MYLK3: variants seen among roughly 807,000 people sequenced by gnomAD.
The protein encoded by MYLK3 is myosin light chain kinase 3.
In MYLK3, 55 loss-of-function variants were observed where a neutral mutation model predicts 76.3. The observed-to-expected ratio is 0.72, with a 90% CI of 0.58 to 0.90. MYLK3 has a LOEUF of 0.90. MYLK3 is among the 40% of genes least tolerant of loss of function. The pLI is 0.00. For missense variants in MYLK3, 973 were observed against 1,053.6 expected (o/e 0.92, Z 1.06); for synonymous variants, 416 against 425.4 (o/e 0.98, Z 0.27).
rs1302096570 is a variant in MYLK3 at position 46,702,765 on chromosome 16, CA to C, written c.*4938del. 6.6e-6 allele frequency among the ~76,000 whole-genome samples: 1 copy of C among 151,888 alleles called. No homozygotes were observed. The highest frequency in any genetic ancestry group is 1.5e-5 in the Non-Finnish European group (1 of 67,972). ...TGAAAGCCCATCTCTACTAAAAACACAAAAATTAGCTGGGCGTGGTGGCGCA... is the reference window on the plus strand; with the variant it reads ...TGAAAGCCCATCTCTACTAAAAACACAAAATTAGCTGGGCGTGGTGGCGCA... On this transcript the variant is annotated 3_prime_UTR_variant, in exon 13 of 13. Transcript: ENST00000394809.
In MYLK3 at chr16:46,710,731, C is replaced by A; in HGVS notation, c.2173G>T (p.Val725Leu). 6.2e-7 allele frequency: 1 copy of A among 1,614,134 alleles called. No homozygotes were observed. The highest frequency in any genetic ancestry group is 8.5e-7 in the Non-Finnish European group (1 of 1,180,014). Residue 725 changes from valine (V) to leucine (L), a missense_variant, in exon 11 of 13, where the codon GTA (valine) becomes TTA (leucine). By Grantham distance (32) the Val-to-Leu change is conservative. Around this residue, in one of 2 missense-constraint regions of MYLK3, gnomAD observed 332 missense variants for 416.6 expected, o/e 0.80. Coordinates refer to ENST00000394809, the MANE Select transcript of MYLK3 (RefSeq NM_182493.3). Reference protein sequence around the residue: ...ETDAETMNFIVNCSWDFDADT... With the variant: ...ETDAETMNFILNCSWDFDADT... The stretch of plus-strand genomic sequence containing the variant: ...GCATCAAAATCCCAGCTACAGTTTA[C>A]AATGAAATTCATGGTCTCTGCATCT...
rs562196403 is a variant in MYLK3, at chr16:46,706,050, T to G, written c.*1654A>C. 1.3e-5 allele frequency: 2 copies of G among 152,152 alleles called. No individual in the cohort carries two copies. Among genetic ancestry groups the G allele is most frequent in the African/African-American group, 4.8e-5 (2 of 41,500 alleles). The allele number at this position is 152,152 out of a possible 1,614,324, so 9.4% of individuals were successfully genotyped here. A position where few individuals can be genotyped will look rare whatever the true frequency, so the allele number is the denominator to read the frequency against. ...TGAAGGGATGACAGGGCTACTCTAA[T>G]GCATATAGAAAAGTGTTTAAATGTA... On this transcript the variant is annotated 3_prime_UTR_variant, in exon 13 of 13. Transcript: ENST00000394809.
intron 1 of MYLK3, among the ~76,000 whole-genome samples, chr16:46,742,633 G>A (rs976965824): frequency 2.6e-5 from 4 of 152,134 alleles, no homozygotes; most frequent in African/African-American, 9.7e-5. Context: ...TCTACATCAT[G>A]CCCCTCCTCT....
intron 11 of MYLK3, 67 bp downstream of exon 11, chr16:46,710,570 C>T: frequency 6.3e-7 from 1 of 1,579,340 alleles, no homozygotes; most frequent in South Asian, 1.1e-5. Context: ...GGTCAGCAGT[C>T]CTGCCCAGCT....
intron 8 of MYLK3, among the ~76,000 whole-genome samples, chr16:46,724,886 TG>T (rs1448424534): frequency 6.6e-6 from 1 of 152,206 alleles, no homozygotes; most frequent in African/African-American, 2.4e-5. Context: ...GGGGGAGTAT[TG>T]TCACCTTAAC....
chr16:46,750,246 C>T (rs1596776264), upstream of MYLK3, among the ~76,000 whole-genome samples: 3 of 152,302 alleles, frequency 2.0e-5, no homozygotes, highest in African/African-American at 7.2e-5. Flanking sequence ...ACACCCAGCC[C>T]CTGTGCCTCT....
intron 1 of MYLK3, among the ~76,000 whole-genome samples, chr16:46,753,870 G>A (rs755536457): frequency 6.6e-6 from 1 of 152,098 alleles, no homozygotes; most frequent in Non-Finnish European, 1.5e-5. Context: ...CTGTGTTTGT[G>A]CCACTGCACT....
At chr16:46,722,408 C>T (rs1966808420) in intron 8 of MYLK3, among the ~76,000 whole-genome samples, 1 of 152,208 alleles carries the variant, frequency 6.6e-6, no homozygotes, top group African/African-American at 2.4e-5. Context: ...AAACACTTTA[C>T]AGCTTCCAAA....
chr16:46,747,292 T>C (rs900193258), intron 1 of MYLK3, among the ~76,000 whole-genome samples: 10 of 152,262 alleles, frequency 6.6e-5, no homozygotes, highest in Non-Finnish European at 1.0e-4. Context: ...AAGCTCAAGG[T>C]TGGGGACAGG....
Position 46,732,265 on chromosome 16 carries a change from T to C in MYLK3, c.1405A>G (p.Arg469Gly). ...EQDCAARAPVRAEAVRRMPPG... is the reference protein window; with the variant it reads ...EQDCAARAPVGAEAVRRMPPG... ...GGCATCCTCCTTACTGCTTCAGCTC[T>C]CACCGGAGCCCTGGCTGCACAGTCC... Residue 469 changes from arginine to glycine, a missense_variant, in exon 4 of 13, where the codon AGA becomes GGA. Arg to Gly is a moderately radical substitution (Grantham distance 125). Coordinates refer to ENST00000394809, the MANE Select transcript of MYLK3 (RefSeq NM_182493.3). 6.2e-7 allele frequency: 1 copy of C among 1,605,040 alleles called. No individual in the cohort carries two copies. Among genetic ancestry groups the C allele is most frequent in the East Asian group, 2.2e-5 (1 of 44,836 alleles).
At chr16:46,752,634 G>A (rs1324316863), upstream of MYLK3, among the ~76,000 whole-genome samples, 1 of 152,156 alleles carries the variant, frequency 6.6e-6, no homozygotes, top group East Asian at 1.9e-4. Context: ...CACACTTTGG[G>A]AGGCTGAGGC....
rs1966582082 is a variant in MYLK3 at position 46,702,329 on chromosome 16, T to G, written c.*5375A>C. On this transcript the variant is annotated 3_prime_UTR_variant, in exon 13 of 13. Coordinates refer to ENST00000394809, the MANE Select transcript of MYLK3 (RefSeq NM_182493.3). The stretch of plus-strand genomic sequence containing the variant: ...TTATTTAACTGATTAAAAAGTTTTT[T>G]TGTCATGAATGTTTTCAAATACATA... Among the ~76,000 whole-genome samples the G allele has an allele frequency of 6.6e-6, 1 of 152,140 alleles. No homozygotes were observed. The highest frequency in any genetic ancestry group is 2.4e-5 in the African/African-American group (1 of 41,436).
chr16:46,758,300 A>T (rs1967228373), intron 1 of MYLK3, among the ~76,000 whole-genome samples: 1 of 51,382 alleles, frequency 1.9e-5, no homozygotes, highest in African/African-American at 8.7e-5. Context: ...ACACACACAC[A>T]CACACTCTCT....
At chr16:46,737,217 G>C (rs917383059) in intron 3 of MYLK3, among the ~76,000 whole-genome samples, 9 of 152,210 alleles carry the variant, frequency 5.9e-5, no homozygotes, top group African/African-American at 2.2e-4. Flanking sequence ...TGGGCACTGG[G>C]AGCCTAAGTA....
chr16:46,717,523 T>C (rs948018784), intron 9 of MYLK3, among the ~76,000 whole-genome samples: 4 of 150,036 alleles, frequency 2.7e-5, no homozygotes, highest in Non-Finnish European at 6.0e-5. Flanking sequence ...CATCTTCCAC[T>C]GTATGTTCCC....
chr16:46,719,326 C>CAAA (rs1187916313), intron 9 of MYLK3, among the ~76,000 whole-genome samples: 1 of 83,034 alleles, frequency 1.2e-5, no homozygotes, highest in Non-Finnish European at 2.5e-5. Context: ...GACTCGGTCT[C>CAAA]AAAAAAAAAA....
intron 2 of MYLK3, 47 bp downstream of exon 2, chr16:46,740,010 G>A: frequency 7.4e-7 from 1 of 1,358,114 alleles, no homozygotes; most frequent in Non-Finnish European, 1.0e-6. Flanking sequence ...TTATTCTGAA[G>A]CTGTTGTGTC....
chr16:46,761,354 AT>A (rs1372796356), intron 1 of MYLK3, among the ~76,000 whole-genome samples: 1 of 152,190 alleles, frequency 6.6e-6, no homozygotes, highest in East Asian at 1.9e-4. Flanking sequence ...GCTATGGAAC[AT>A]TTTGGGGTGG....
rs1419836086 is a variant in MYLK3, at chr16:46,738,095, G to C, written c.617C>G (p.Pro206Arg). Residue 206 changes from proline (P) to arginine (R), a missense_variant, in exon 3 of 13, where the codon CCC (proline) becomes CGC (arginine). This residue lies in a region of MYLK3 where 641 missense variants were observed against 637.0 expected (regional missense o/e 1.01). Coordinates refer to ENST00000394809, the MANE Select transcript of MYLK3 (RefSeq NM_182493.3). ...VLEGTAERLP[P>R]IRASGLGADP... ...AGCTCCCAGCCCTGACGCTCTGATG[G>C]GGGGCAGCCTCTCCGCTGTCCCCTC... 2 of 1,590,504 alleles carry C rather than the reference G, an allele frequency of 1.3e-6. No homozygotes were observed. Among genetic ancestry groups the C allele is most frequent in the South Asian group, 1.1e-5 (1 of 89,618 alleles).
Sources: gnomAD v4.1 joint callset for allele counts (sites outside exome capture counted in the v4.1 genomes callset) on GRCh38, gnomAD v4.1.1 for gene constraint, gnomAD v4.1.1 regional missense constraint, MANE v1.5 for transcripts, NCBI Gene and HGNC (gene_info 2026-07-23, HGNC 2026-07-21) for gene names.